Variants in TANGO6 observed in about 807,000 individuals in gnomAD.
TANGO6 encodes transport and golgi organization 6 homolog.
A neutral mutation model predicts 114.2 loss-of-function variants in TANGO6; 90 were observed. That is an observed-to-expected ratio of 0.79 (90% CI 0.66 to 0.94). TANGO6 has a LOEUF of 0.94. Among genes scored for constraint, TANGO6 ranks in the 40% least tolerant of loss-of-function variants. TANGO6 has a pLI of 0.00. For synonymous variants in TANGO6, 477 were observed against 509.8 expected, an observed-to-expected ratio of 0.94 and a Z score of 0.87; for missense variants, 1,274 against 1,315.3, an observed-to-expected ratio of 0.97 and a Z score of 0.49.
chr16:69,035,630 C>T (rs1237983219), intron 16 of TANGO6: 1 of 152,156 alleles, frequency 6.6e-6, no homozygotes, highest in Non-Finnish European at 1.5e-5. Context: ...TGAAACTGAC[C>T]TTTAATGCTT....
intron 17 of TANGO6, among the ~76,000 whole-genome samples, chr16:69,067,954 A>G (rs1457828803): frequency 6.7e-6 from 1 of 148,300 alleles, no homozygotes; most frequent in Non-Finnish European, 1.5e-5. Flanking sequence ...AAAAAAAAAA[A>G]AAGAAAATAA....
intron 16 of TANGO6, among the ~76,000 whole-genome samples, chr16:69,030,347 G>T (rs1959574496): frequency 6.6e-6 from 1 of 152,008 alleles, no homozygotes; most frequent in Non-Finnish European, 1.5e-5. Flanking sequence ...CCTTGGTCAA[G>T]TTCGGGTATT....
At chr16:69,037,135 C>CAA (rs1232986110) in intron 16 of TANGO6, among the ~76,000 whole-genome samples, 30 of 44,790 alleles carry the variant, frequency 6.7e-4, no homozygotes, top group Non-Finnish European at 1.0e-3. Context: ...GAGTCCATCT[C>CAA]AAAAAAAAAA....
At chr16:69,020,942 G>GTGTGTGT (rs962235474) in intron 15 of TANGO6, among the ~76,000 whole-genome samples, 1 of 126,652 alleles carries the variant, frequency 7.9e-6, no homozygotes, top group Non-Finnish European at 1.7e-5. Flanking sequence ...GTGTGTGTGT[G>GTGTGTGT]GTGTGTGTGT....
At chr16:68,907,678 C>A (rs1962871860) in intron 10 of TANGO6, 103 bp downstream of exon 10, 2 of 1,338,452 alleles carry the variant, frequency 1.5e-6, no homozygotes, top group Non-Finnish European at 2.0e-6. Flanking sequence ...AAAATGTAGG[C>A]CCTAATTTAA....
rs148903662 is a variant in TANGO6, at chr16:68,991,583, G to A, written c.2842+17415G>A. Among the ~76,000 whole-genome samples, 4 of 152,300 alleles carry A rather than the reference G, an allele frequency of 2.6e-5. No individual in the cohort carries two copies. In the South Asian group the frequency reaches 8.3e-4, roughly 32 times the overall value. ...TTAAACCTAGGAGGGAGAGGTTGCA[G>A]TGAGCCAAGATCGCACCACTGTACT... On this transcript the variant is annotated intron_variant, in intron 15 of 17. Coordinates refer to ENST00000261778, the MANE Select transcript of TANGO6 (RefSeq NM_024562.2).
At chr16:69,065,444 G>A (rs1960200640) in intron 17 of TANGO6, among the ~76,000 whole-genome samples, 1 of 152,082 alleles carries the variant, frequency 6.6e-6, no homozygotes, top group African/African-American at 2.4e-5. Flanking sequence ...AGCATTTTTG[G>A]CACTTGACCA....
At chr16:68,946,490 G>C (rs939738056) in intron 14 of TANGO6, among the ~76,000 whole-genome samples, 1 of 151,882 alleles carries the variant, frequency 6.6e-6, no homozygotes, top group African/African-American at 2.4e-5. Flanking sequence ...CACCGCGCCC[G>C]GCCTTTTCTT....
intron 15 of TANGO6, among the ~76,000 whole-genome samples, chr16:68,975,453 T>G (rs1963754974): frequency 6.6e-6 from 1 of 152,102 alleles, no homozygotes; most frequent in Non-Finnish European, 1.5e-5. Context: ...ACTCGTGGAC[T>G]CAAGCAATCC....
At chr16:68,850,119 A>G (rs1388822178) in intron 1 of TANGO6, among the ~76,000 whole-genome samples, 2 of 151,716 alleles carry the variant, frequency 1.3e-5, no homozygotes, top group African/African-American at 4.8e-5. Context: ...GACTACAGGC[A>G]TGTGCCACCA....
chr16:68,943,522 CA>C (rs1944797866), intron 14 of TANGO6, among the ~76,000 whole-genome samples: 2 of 152,018 alleles, frequency 1.3e-5, no homozygotes, highest in East Asian at 1.9e-4. Context: ...TGCCACCACG[CA>C]CTGGCTAATT....
intron 17 of TANGO6, among the ~76,000 whole-genome samples, chr16:69,067,333 A>AC (rs1403488960): frequency 2.1e-4 from 31 of 150,370 alleles, no homozygotes; most frequent in Middle Eastern, 3.5e-3. Flanking sequence ...ACATGGTGAA[A>AC]CCCCATCTCT....
intron 15 of TANGO6, among the ~76,000 whole-genome samples, chr16:69,007,435 A>G (rs940668013): frequency 4.0e-5 from 6 of 151,566 alleles, no homozygotes; most frequent in Non-Finnish European, 8.8e-5. Context: ...ACACCTTGCT[A>G]ATTTTTTGTA....
At position 69,014,588 on chromosome 16, in the gene TANGO6, T is replaced by A. The variant is rs143305977; in HGVS notation, c.2843-8240T>A. ...GTATACAAAATTTGACATAGAGGAA[T>A]CCCTAAAGCTCAAATTAACCCCTGG... On this transcript the variant is annotated intron_variant, in intron 15 of 17. Transcript: ENST00000261778. Among the ~76,000 whole-genome samples the A allele has an allele frequency of 2.0e-5, 3 of 152,178 alleles. No homozygotes were observed. The East Asian group carries it at 5.8e-4, about 29-fold the overall frequency.
chr16:68,937,663 C>T (rs899727931), intron 14 of TANGO6: 1 of 152,126 alleles, frequency 6.6e-6, no homozygotes, highest in Non-Finnish European at 1.5e-5. Flanking sequence ...TTGTCTGGCT[C>T]CTTTCACTTT....
intron 16 of TANGO6, among the ~76,000 whole-genome samples, chr16:69,024,360 G>A (rs1368263415): frequency 1.3e-5 from 2 of 151,042 alleles, no homozygotes; most frequent in African/African-American, 2.4e-5. Flanking sequence ...TCCGCCTCCC[G>A]GGTCCCAGTT....
intron 1 of TANGO6, among the ~76,000 whole-genome samples, chr16:68,856,451 GAAGTATTATTCTTTTCTATATCACTGCAT>G (rs1771121006): frequency 6.6e-6 from 1 of 152,188 alleles, no homozygotes; most frequent in African/African-American, 2.4e-5. Context: ...ACTTGGTAAT[GAAGTATTATTCTTTTCTATATCACTGCAT>G]TTGATTTGCT....
rs908530211 is a variant in TANGO6 at position 68,843,779 on chromosome 16, C to G, written c.94+68C>G. 6.0e-6 allele frequency: 9 copies of G among 1,511,172 alleles called. No homozygotes were observed. In the African/African-American group the frequency reaches 1.2e-4, roughly 21 times the overall value. 93.6% of individuals were successfully genotyped at this position (1,511,172 alleles called of 1,614,324 possible). On this transcript the variant is annotated intron_variant, in intron 1 of 17. Coordinates refer to ENST00000261778, the MANE Select transcript of TANGO6 (RefSeq NM_024562.2). The stretch of plus-strand genomic sequence containing the variant: ...CAGGGCCGCCCGGCTTCCGGGGCTG[C>G]CCTGCCTTCCGCAGCGTGCGCCCCT...
chr16:68,988,272 G>A (rs1348027142), intron 15 of TANGO6, among the ~76,000 whole-genome samples: 2 of 152,208 alleles, frequency 1.3e-5, no homozygotes, highest in African/African-American at 4.8e-5. Flanking sequence ...CGACTTTCCA[G>A]TAGCACTTGA....
Sources: gnomAD v4.1 joint callset for allele counts (sites outside exome capture counted in the v4.1 genomes callset) on GRCh38, gnomAD v4.1.1 for gene constraint, MANE v1.5 for transcripts, NCBI Gene and HGNC (gene_info 2026-07-23, HGNC 2026-07-21) for gene names.